Variants in SCNN1B observed in about 807,000 individuals in gnomAD.
The protein encoded by SCNN1B is sodium channel epithelial 1 subunit beta.
A neutral mutation model predicts 65.3 loss-of-function variants in SCNN1B; 46 were observed. The ratio of observed to expected loss-of-function variants is 0.70; its 90% CI spans 0.56 to 0.90. The LOEUF (loss-of-function observed/expected upper bound fraction) is 0.90, where lower values mean the gene tolerates loss of function less well. SCNN1B is among the 40% of genes least tolerant of loss of function. The pLI is 0.00. For missense variants in SCNN1B, 751 were observed against 830.5 expected (o/e 0.90, Z 1.18); for synonymous variants, 349 against 330.6 (o/e 1.06, Z -0.60).
Position 23,367,897 on chromosome 16 carries a change from A to G in SCNN1B, c.818A>G (p.Tyr273Cys), listed in dbSNP as rs755997753. 2.5e-6 allele frequency: 4 copies of G among 1,614,108 alleles called. No individual in the cohort carries two copies. The highest frequency in any genetic ancestry group is 3.4e-6 in the Non-Finnish European group (4 of 1,180,018). ...SIFYPHYGNCYIFNWGMTEKA... is the reference protein window; with the variant it reads ...SIFYPHYGNCCIFNWGMTEKA... ...TTCTACCCTCACTATGGCAACTGTT[A>G]CATCTTCAACTGGGGCATGACAGAG... is the stretch of plus-strand genomic sequence containing the variant. The change falls in exon 5 of 13, where the codon TAC (tyrosine) becomes TGC (cysteine). Residue 273 changes from tyrosine to cysteine, a missense_variant. Physicochemically the swap from Tyr to Cys is radical, Grantham distance 194. Transcript: ENST00000343070.
At chr16:23,287,627 T>A (rs1036546411) in intron 2 of SCNN1B, among the ~76,000 whole-genome samples, 1 of 151,770 alleles carries the variant, frequency 6.6e-6, no homozygotes, top group South Asian at 2.1e-4. Context: ...GGCCTACAGA[T>A]CCACCTCCTG....
intron 10 of SCNN1B, among the ~76,000 whole-genome samples, 174 bp downstream of exon 10, chr16:23,377,560 T>TCCTCCTCTCTTTTCCCTTCCTC (rs1317047878): frequency 6.8e-5 from 3 of 44,298 alleles, no homozygotes; most frequent in South Asian, 6.2e-4. Context: ...CTTCCTTCCT[T>TCCTCCTCTCTTTTCCCTTCCTC]CCTCCTCTCT....
chr16:23,280,710 A>G (rs547888019), intron 1 of SCNN1B, among the ~76,000 whole-genome samples: 7 of 152,300 alleles, frequency 4.6e-5, no homozygotes, highest in African/African-American at 1.4e-4. Flanking sequence ...TTTCACCACT[A>G]TGCAGTCAGT....
chr16:23,358,281 T>C (rs1473615849), intron 4 of SCNN1B: 1 of 152,328 alleles, frequency 6.6e-6, no homozygotes, highest in East Asian at 1.9e-4. Flanking sequence ...AGCTGGCTGA[T>C]GGGCCACTAA....
chr16:23,356,571 C>A (rs990680643), intron 4 of SCNN1B, among the ~76,000 whole-genome samples: 1 of 151,678 alleles, frequency 6.6e-6, no homozygotes, highest in African/African-American at 2.4e-5. Flanking sequence ...CTACAGTGAG[C>A]CATGATCACG....
chr16:23,289,271 G>C (rs1048048699), intron 2 of SCNN1B, among the ~76,000 whole-genome samples: 5 of 152,190 alleles, frequency 3.3e-5, no homozygotes, highest in African/African-American at 1.2e-4. Flanking sequence ...TAAACCAGTG[G>C]AGGCTGCGTG....
chr16:23,308,486 G>C (rs997527596), intron 1 of SCNN1B, among the ~76,000 whole-genome samples: 4 of 152,248 alleles, frequency 2.6e-5, no homozygotes, highest in South Asian at 4.1e-4. Context: ...TCATGCCATT[G>C]TACTCCAGCC....
At chr16:23,306,695 C>T (rs761547523) in intron 1 of SCNN1B, among the ~76,000 whole-genome samples, 4 of 152,154 alleles carry the variant, frequency 2.6e-5, no homozygotes, top group Admixed American at 2.0e-4. Flanking sequence ...AGGAGTTCTT[C>T]TGGAGCAGTG....
At chr16:23,299,831 C>T (rs540601431), upstream of SCNN1B, among the ~76,000 whole-genome samples, 16 of 152,262 alleles carry the variant, frequency 1.1e-4, no homozygotes, top group South Asian at 2.9e-3. Context: ...CTCAGCAGTC[C>T]CGTTACTGGG....
intron 2 of SCNN1B, among the ~76,000 whole-genome samples, chr16:23,286,262 G>T (rs1202653975): frequency 6.6e-6 from 1 of 152,204 alleles, no homozygotes; most frequent in Non-Finnish European, 1.5e-5. Flanking sequence ...CGAACAAAAT[G>T]ATTGACTCAG....
chr16:23,343,293 T>C (rs1962090848), intron 1 of SCNN1B, among the ~76,000 whole-genome samples: 1 of 151,458 alleles, frequency 6.6e-6, no homozygotes, highest in African/African-American at 2.4e-5. Context: ...TCACTATTAA[T>C]AATACAAAAT....
Position 23,380,631 on chromosome 16 carries a change from C to T in SCNN1B, c.1753C>T (p.His585Tyr), listed in dbSNP as rs751274423. The T allele has an allele frequency of 2.4e-5, 38 of 1,613,534 alleles. No individual in the cohort carries two copies. Among genetic ancestry groups the T allele is most frequent in the Non-Finnish European group, 2.9e-5 (34 of 1,179,810 alleles). Reference protein sequence around the residue: ...PPTVAELVEAHTNFGFQPDTA... With the variant: ...PPTVAELVEAYTNFGFQPDTA... Reference sequence around the variant, plus strand: ...CACCGTGGCCGAGCTGGTGGAGGCCCACACCAACTTTGGCTTCCAGCCTGA... The same window carrying T: ...CACCGTGGCCGAGCTGGTGGAGGCCTACACCAACTTTGGCTTCCAGCCTGA... The change falls in exon 13 of 13, where the codon CAC becomes TAC. Residue 585 changes from histidine (H) to tyrosine (Y), a missense_variant. By Grantham distance (83) the His-to-Tyr change is moderately conservative. Coordinates refer to ENST00000343070, the MANE Select transcript of SCNN1B (RefSeq NM_000336.3). This position sits in a 1 kb window ranked among gnomAD's most constrained non-coding sequence, Gnocchi z 5.4.
At chr16:23,328,019 G>T (rs762221027) in intron 1 of SCNN1B, among the ~76,000 whole-genome samples, 13 of 152,214 alleles carry the variant, frequency 8.5e-5, no homozygotes, top group Non-Finnish European at 1.3e-4. Context: ...CACAGAACAA[G>T]TCTTGTAAGG....
intron 4 of SCNN1B, among the ~76,000 whole-genome samples, chr16:23,366,481 C>T (rs939755685): frequency 6.6e-5 from 10 of 151,930 alleles, no homozygotes; most frequent in African/African-American, 1.5e-4. Context: ...CGCCTGTAAT[C>T]GCAGCACTTT....
chr16:23,305,200 C>T (rs1432808570), intron 1 of SCNN1B, among the ~76,000 whole-genome samples: 3 of 152,002 alleles, frequency 2.0e-5, no homozygotes, highest in Admixed American at 2.0e-4. Context: ...GGTTAAGACA[C>T]AGAAATGAAG....
At chr16:23,360,225 T>TAAAC (rs1555488462) in intron 4 of SCNN1B, among the ~76,000 whole-genome samples, 1,695 of 150,102 alleles carry the variant, frequency 0.011, 34 homozygotes, top group African/African-American at 0.038. Flanking sequence ...AATAAATAAA[T>TAAAC]AAACAAATAA....
chr16:23,304,474 A>G (rs1961153075), intron 1 of SCNN1B, among the ~76,000 whole-genome samples: 1 of 152,192 alleles, frequency 6.6e-6, no homozygotes, highest in Non-Finnish European at 1.5e-5. Context: ...CAGCCAGGCC[A>G]CTAGTTCTGC....
chr16:23,299,090 C>T (rs1244697348), upstream of SCNN1B, among the ~76,000 whole-genome samples: 3 of 140,610 alleles, frequency 2.1e-5, no homozygotes, highest in Admixed American at 7.4e-5. Flanking sequence ...GATTGAGTCT[C>T]ACTCTGTCAC....
intron 1 of SCNN1B, among the ~76,000 whole-genome samples, chr16:23,313,598 C>T (rs1017726727): frequency 2.6e-5 from 4 of 152,060 alleles, no homozygotes; most frequent in African/African-American, 7.2e-5. Flanking sequence ...AAAATAAGCA[C>T]CGATTTTTGT....
Sources: gnomAD v4.1 joint callset for allele counts (sites outside exome capture counted in the v4.1 genomes callset) on GRCh38, gnomAD v4.1.1 for gene constraint, Gnocchi (gnomAD v3.1) non-coding constraint, MANE v1.5 for transcripts, NCBI Gene and HGNC (gene_info 2026-07-23, HGNC 2026-07-21) for gene names.